Variants in ISLR observed in about 807,000 individuals in gnomAD.
ISLR encodes the protein immunoglobulin superfamily containing leucine-rich repeat protein.
Under a neutral mutation model 11.0 loss-of-function variants are expected in ISLR, and 9 were observed. The ratio of observed to expected loss-of-function variants is 0.82; its 90% confidence interval spans 0.49 to 1.43. The LOEUF is 1.43. ISLR is among the 40% of genes most tolerant of loss of function. The probability of loss-of-function intolerance (pLI) is 0.00; values close to 1 mark genes in which losing one functional copy is unlikely to be tolerated. For missense variants in ISLR, 510 were observed against 576.4 expected, an observed-to-expected ratio of 0.88 and a Z score of 1.18; for synonymous variants, 262 against 264.1, an observed-to-expected ratio of 0.99 and a Z score of 0.08.
At chr15:74,174,518 G>T in intron 1 of ISLR, 2 of 237,096 alleles carry the variant, frequency 8.4e-6, no homozygotes, top group Non-Finnish European at 8.2e-6. Flanking sequence ...GCTGGGGGAG[G>T]GGGGTGGCTG....
intron 1 of ISLR, chr15:74,174,331 C>A: frequency 6.5e-6 from 1 of 154,222 alleles, no homozygotes. Context: ...ACAGAAAAGG[C>A]CTGGTGTCTG....
chr15:74,175,461 C>T lies in ISLR; in HGVS notation c.603C>T (p.Ser201=). ...CATGGGCCCTGACCACGGCCGTGTC[C>T]ATCCCGGAGCAGGACAACATCGCCT... ...LKTWALTTAV[S]IPEQDNIACT... Residue 201 remains serine (S), a synonymous_variant, in exon 2 of 2, where the codon TCC becomes TCT. Coordinates refer to ENST00000249842, the MANE Select transcript of ISLR (RefSeq NM_005545.4). The surrounding 1 kb of genome is among the most constrained non-coding windows in gnomAD (Gnocchi z 4.7). 6.2e-7 allele frequency: 1 copy of T among 1,611,100 alleles called. No homozygotes were observed.
At position 74,175,132 on chromosome 15, in the gene ISLR, G is replaced by A. The variant is rs148754204; in HGVS notation, c.274G>A (p.Gly92Arg). Residue 92 changes from glycine (G) to arginine (R), a missense_variant, in exon 2 of 2, where the codon GGA becomes AGA. Gly to Arg is a moderately radical substitution (Grantham distance 125). Coordinates refer to ENST00000249842, the MANE Select transcript of ISLR (RefSeq NM_005545.4). The surrounding 1 kb of genome is among the most constrained non-coding windows in gnomAD (Gnocchi z 4.7). ...AHNEIRTVAA[G>R]ALASLSHLKS... ...CAATGAGATCCGCACGGTGGCCGCC[G>A]GAGCCCTGGCCTCTCTGAGCCATCT... is the stretch of plus-strand genomic sequence containing the variant. The A allele has an allele frequency of 1.2e-5, 19 of 1,610,770 alleles. No individual in the cohort carries two copies. The highest frequency in any genetic ancestry group is 1.6e-4 in the Middle Eastern group (1 of 6,062).
intron 1 of ISLR, chr15:74,174,519 G>T (rs896284536): frequency 4.2e-6 from 1 of 238,710 alleles, no homozygotes; most frequent in Non-Finnish European, 8.1e-6. Flanking sequence ...CTGGGGGAGG[G>T]GGGTGGCTGG....
rs751736968 is a variant in ISLR at position 74,175,638 on chromosome 15, C to A, written c.780C>A (p.Asp260Glu). 1 of 1,613,964 alleles carries A rather than the reference C, an allele frequency of 6.2e-7. No individual in the cohort carries two copies. Among genetic ancestry groups the A allele is most frequent in the Non-Finnish European group, 8.5e-7 (1 of 1,180,032 alleles). The change falls in exon 2 of 2, where the codon GAC (aspartate) becomes GAA (glutamate). Residue 260 changes from aspartate to glutamate, a missense_variant. By Grantham distance (45) the Asp-to-Glu change is conservative. Transcript: ENST00000249842. The surrounding 1 kb of genome is among the most constrained non-coding windows in gnomAD (Gnocchi z 4.7). ...TGCTGGCACTGCACTGTGATGTGGA[C>A]GGGCAGCCGGCCCCTCAGCTTCACT... The part of the protein sequence containing the change: ...GFVLALHCDV[D>E]GQPAPQLHWH...
Position 74,176,144 on chromosome 15 carries a change from A to G in ISLR, c.1286A>G (p.Ter429TrpextTer7). 6.5e-7 allele frequency: 1 copy of G among 1,546,010 alleles called. No individual in the cohort carries two copies. The highest frequency in any genetic ancestry group is 8.7e-7 in the Non-Finnish European group (1 of 1,146,670). The change falls in exon 2 of 2, where the codon TAG (stop) becomes TGG (tryptophan). Residue 429 changes from the stop codon to tryptophan, a stop_lost. Transcript: ENST00000249842. ...CTCTTCTTCTTCCTCACCTCCTTCT[A>G]GCCCCACCCAGGGCTTCCCTAACTC... ...LLLFFFLTSF[*>W]
chr15:74,174,099 G>C (rs2072765604), intron 1 of ISLR, 80 bp downstream of exon 1: 2 of 152,478 alleles, frequency 1.3e-5, no homozygotes, highest in Non-Finnish European at 2.9e-5. Context: ...GTTCCCTCTT[G>C]GTCCATCCCT....
rs572282150 is a variant in ISLR, at chr15:74,175,075, G to A, written c.217G>A (p.Val73Met). ...CTTGCCGGAGGGTGCCTTCAGGGAGGTGCCCCTGCTGCAGTCGCTGTGGCT... is the reference window on the plus strand; with the variant it reads ...CTTGCCGGAGGGTGCCTTCAGGGAGATGCCCCTGCTGCAGTCGCTGTGGCT... ...PGLPEGAFRE[V>M]PLLQSLWLAH... Residue 73 changes from valine to methionine, a missense_variant, in exon 2 of 2, where the codon GTG becomes ATG. Val to Met is a conservative substitution (Grantham distance 21, BLOSUM62 1). Transcript: ENST00000249842. This position sits in a 1 kb window ranked among gnomAD's most constrained non-coding sequence, Gnocchi z 4.7. 17 of 1,612,092 alleles carry A rather than the reference G, an allele frequency of 1.1e-5. No homozygotes were observed. The highest frequency in any genetic ancestry group is 6.6e-5 in the South Asian group (6 of 91,032).
rs1459416031 is a variant in ISLR, at chr15:74,176,244, G to A, written c.*99G>A. ...TTGGCAACTCCTGAGGCCTGCATGG[G>A]TGACTTCACATTTTCCTACCTCTCC... On this transcript the variant is annotated 3_prime_UTR_variant, in exon 2 of 2. Coordinates refer to ENST00000249842, the MANE Select transcript of ISLR (RefSeq NM_005545.4). The A allele has an allele frequency of 5.4e-6, 5 of 923,468 alleles. No individual in the cohort carries two copies. The highest frequency in any genetic ancestry group is 1.8e-5 in the South Asian group (1 of 54,862). The allele number at this position is 923,468 out of a possible 1,614,324, so 57.2% of individuals were successfully genotyped here. A position where few individuals can be genotyped will look rare whatever the true frequency, so the allele number is the denominator to read the frequency against.
In ISLR at chr15:74,174,988, G is replaced by T. The variant is rs148769100; in HGVS notation, c.130G>T (p.Val44Leu). Residue 44 changes from valine (V) to leucine (L), a missense_variant, in exon 2 of 2, where the codon GTG becomes TTG. Coordinates refer to ENST00000249842, the MANE Select transcript of ISLR (RefSeq NM_005545.4). The part of the protein sequence containing the change: ...ADCAYRDLES[V>L]PPGFPANVTT... ...CTGTGCCTACCGCGACCTAGAATCCGTGCCGCCTGGCTTCCCGGCCAATGT... is the reference window on the plus strand; with the variant it reads ...CTGTGCCTACCGCGACCTAGAATCCTTGCCGCCTGGCTTCCCGGCCAATGT... The T allele has an allele frequency of 6.2e-7, 1 of 1,612,916 alleles. No individual in the cohort carries two copies. Among genetic ancestry groups the T allele is most frequent in the South Asian group, 1.1e-5 (1 of 90,914 alleles).
chr15:74,175,715 G>T lies in ISLR; in HGVS notation c.857G>T (p.Gly286Val), dbSNP rs767892128. 6.2e-7 allele frequency: 1 copy of T among 1,614,054 alleles called. No individual in the cohort carries two copies. Among genetic ancestry groups the T allele is most frequent in the South Asian group, 1.1e-5 (1 of 91,064 alleles). Reference protein sequence around the residue: ...GIVEITSPNVGTDGRALPGTP... With the variant: ...GIVEITSPNVVTDGRALPGTP... Reference sequence around the variant, plus strand: ...GTGGAGATCACCAGCCCCAACGTGGGCACTGATGGGCGTGCCCTGCCTGGC... The same window carrying T: ...GTGGAGATCACCAGCCCCAACGTGGTCACTGATGGGCGTGCCCTGCCTGGC... The change falls in exon 2 of 2, where the codon GGC becomes GTC. Residue 286 changes from glycine (G) to valine (V), a missense_variant. Transcript: ENST00000249842. This position sits in a 1 kb window ranked among gnomAD's most constrained non-coding sequence, Gnocchi z 4.7.
At position 74,174,832 on chromosome 15, in the gene ISLR, G is replaced by T. The variant is rs756579409; in HGVS notation, c.-8-19G>T. 8.7e-5 allele frequency: 131 copies of T among 1,504,014 alleles called. No individual in the cohort carries two copies. Among genetic ancestry groups the T allele is most frequent in the Non-Finnish European group, 1.1e-4 (130 of 1,130,792 alleles). The allele number at this position is 1,504,014 out of a possible 1,614,324, so 93.2% of individuals were successfully genotyped here. On this transcript the variant is annotated intron_variant, in intron 1 of 1. Transcript: ENST00000249842. ...GGCAGGTTCTCGGGATCCCCTGGGTGACATGCCTTTCTCTGCAGGAGGCAC... is the reference window on the plus strand; with the variant it reads ...GGCAGGTTCTCGGGATCCCCTGGGTTACATGCCTTTCTCTGCAGGAGGCAC...
At position 74,175,343 on chromosome 15, in the gene ISLR, C is replaced by T. The variant is rs1440030621; in HGVS notation, c.485C>T (p.Ala162Val). Residue 162 changes from alanine to valine, a missense_variant, in exon 2 of 2, where the codon GCC (alanine) becomes GTC (valine). Physicochemically the swap from Ala to Val is moderately conservative, Grantham distance 64. Coordinates refer to ENST00000249842, the MANE Select transcript of ISLR (RefSeq NM_005545.4). This position sits in a 1 kb window ranked among gnomAD's most constrained non-coding sequence, Gnocchi z 4.7. ...AACCACAACCGCTTGCACACATTGG[C>T]CGAGGGCACCTTCACCCCGCTCACC... The part of the protein sequence containing the change: ...QLNHNRLHTL[A>V]EGTFTPLTAL... 2 of 1,610,676 alleles carry T rather than the reference C, an allele frequency of 1.2e-6. No homozygotes were observed. The highest frequency in any genetic ancestry group is 1.7e-6 in the Non-Finnish European group (2 of 1,179,864).
rs756569150 is a variant in ISLR at position 74,175,732 on chromosome 15, C to T, written c.874C>T (p.Leu292=). The stretch of plus-strand genomic sequence containing the variant: ...CAACGTGGGCACTGATGGGCGTGCC[C>T]TGCCTGGCACCCCTGTGGCCAGCTC... ...SPNVGTDGRA[L]PGTPVASSQP... Residue 292 remains leucine (L), a synonymous_variant, in exon 2 of 2, where the codon CTG becomes TTG. Transcript: ENST00000249842. The surrounding 1 kb of genome is among the most constrained non-coding windows in gnomAD (Gnocchi z 4.7). 2 of 1,613,928 alleles carry T rather than the reference C, an allele frequency of 1.2e-6. No homozygotes were observed. The highest frequency in any genetic ancestry group is 8.5e-7 in the Non-Finnish European group (1 of 1,179,910).
In ISLR at chr15:74,175,903, G is replaced by A; in HGVS notation, c.1045G>A (p.Glu349Lys). 6.2e-7 allele frequency: 1 copy of A among 1,613,418 alleles called. No homozygotes were observed. The highest frequency in any genetic ancestry group is 8.5e-7 in the Non-Finnish European group (1 of 1,179,516). Residue 349 changes from glutamate to lysine, a missense_variant, in exon 2 of 2, where the codon GAG (glutamate) becomes AAG (lysine). By Grantham distance (56) the Glu-to-Lys change is moderately conservative. Transcript: ENST00000249842. The surrounding 1 kb of genome is among the most constrained non-coding windows in gnomAD (Gnocchi z 4.7). Reference protein sequence around the residue: ...SVDVALATPGEGGEDTLGRRF... With the variant: ...SVDVALATPGKGGEDTLGRRF... ...GGACGTGGCACTGGCCACGCCCGGT[G>A]AGGGTGGTGAGGACACACTGGGGCG... is the stretch of plus-strand genomic sequence containing the variant.
chr15:74,176,057 T>C lies in ISLR; in HGVS notation c.1199T>C (p.Val400Ala). 1.2e-6 allele frequency: 2 copies of C among 1,611,432 alleles called. No individual in the cohort carries two copies. The highest frequency in any genetic ancestry group is 1.7e-6 in the Non-Finnish European group (2 of 1,178,338). ...LSRAGNPEAAVAEGVPGQLPP... is the reference protein window; with the variant it reads ...LSRAGNPEAAAAEGVPGQLPP... The stretch of plus-strand genomic sequence containing the variant: ...CGTGCTGGGAACCCTGAGGCTGCAG[T>C]CGCAGAAGGGGTCCCTGGGCAGCTG... The change falls in exon 2 of 2, where the codon GTC becomes GCC. Residue 400 changes from valine to alanine, a missense_variant. Transcript: ENST00000249842.
rs1270464426 is a variant in ISLR at position 74,174,853 on chromosome 15, G to A, written c.-6G>A. On this transcript the variant is annotated splice_region_variant and 5_prime_UTR_variant, in exon 2 of 2. Transcript: ENST00000249842. ...GGGTGACATGCCTTTCTCTGCAGGA[G>A]GCACCATGCAGGAGCTGCATCTGCT... 5.3e-6 allele frequency: 8 copies of A among 1,516,760 alleles called. No homozygotes were observed. The highest frequency in any genetic ancestry group is 7.0e-6 in the Non-Finnish European group (8 of 1,136,600). 94.0% of individuals were successfully genotyped at this position (1,516,760 alleles called of 1,614,324 possible).
rs1004802230 is a variant in ISLR at position 74,173,803 on chromosome 15, C to T, written c.-225C>T. 2.6e-5 allele frequency: 4 copies of T among 154,556 alleles called. No homozygotes were observed. The highest frequency in any genetic ancestry group is 6.5e-5 in the Admixed American group (1 of 15,318). The allele number at this position is 154,556 out of a possible 1,614,324, so 9.6% of individuals were successfully genotyped here. A position where few individuals can be genotyped will look rare whatever the true frequency, so the allele number is the denominator to read the frequency against. On this transcript the variant is annotated 5_prime_UTR_variant, in exon 1 of 2. Transcript: ENST00000249842. ...CGGGCTGCCCCGGGCTCCTCCCTGC[C>T]GCCTCCTCTCAGTGGATGGTTCCAG...
At position 74,174,922 on chromosome 15, in the gene ISLR, C is replaced by T. The variant is rs1352043787; in HGVS notation, c.64C>T (p.Pro22Ser). 4 of 1,598,346 alleles carry T rather than the reference C, an allele frequency of 2.5e-6. No homozygotes were observed. The East Asian group carries it at 6.7e-5, about 27-fold the overall frequency. ...LLGLAQACPE[P>S]CDCGEKYGFQ... ...GGGCCTGGCTCAGGCCTGCCCTGAGCCCTGCGACTGTGGGGAAAAGTATGG... is the reference window on the plus strand; with the variant it reads ...GGGCCTGGCTCAGGCCTGCCCTGAGTCCTGCGACTGTGGGGAAAAGTATGG... The change falls in exon 2 of 2, where the codon CCC becomes TCC. Residue 22 changes from proline (P) to serine (S), a missense_variant. Transcript: ENST00000249842.
Sources: gnomAD v4.1 joint callset for allele counts on GRCh38, gnomAD v4.1.1 for gene constraint, Gnocchi (gnomAD v3.1) non-coding constraint, MANE v1.5 for transcripts, NCBI Gene and HGNC (gene_info 2026-07-23, HGNC 2026-07-21) for gene names.